CPS1: variants seen among roughly 807,000 people sequenced by gnomAD.
The protein encoded by CPS1 is carbamoyl-phosphate synthase 1.
CPS1 carries 109 observed loss-of-function variants against 174.6 expected under a neutral mutation model. The ratio of observed to expected loss-of-function variants is 0.62; its 90% CI spans 0.53 to 0.73. CPS1 has a LOEUF of 0.73. Ranked by LOEUF, CPS1 falls within the 30% of genes least tolerant of loss-of-function variation. CPS1 has a pLI of 0.00. For synonymous variants in CPS1, 637 were observed against 632.0 expected (o/e 1.01, Z -0.12); for missense variants, 1,689 against 1,821.9 (o/e 0.93, Z 1.33).
intron 21 of CPS1, among the ~76,000 whole-genome samples, chr2:210,628,172 C>T (rs569304435): frequency 5.3e-5 from 8 of 152,272 alleles, no homozygotes; most frequent in African/African-American, 1.9e-4. Flanking sequence ...CTACCCCTCC[C>T]CTTCTACCCA....
intron 1 of CPS1, among the ~76,000 whole-genome samples, chr2:210,560,293 G>A (rs1401867672): frequency 1.3e-5 from 2 of 151,850 alleles, no homozygotes; most frequent in African/African-American, 4.8e-5. Flanking sequence ...ATGATAAATA[G>A]AAATAAGTGG....
Position 210,621,847 on chromosome 2 carries a change from G to T in CPS1, c.2687+5306G>T, listed in dbSNP as rs777647866. Among the ~76,000 whole-genome samples the T allele has an allele frequency of 1.9e-4, 29 of 152,008 alleles. 1 individual carries two copies. Among genetic ancestry groups the T allele is most frequent in the Non-Finnish European group, 7.4e-5 (5 of 67,968 alleles). On this transcript the variant is annotated intron_variant, in intron 21 of 37. Coordinates refer to ENST00000233072, the MANE Select transcript of CPS1 (RefSeq NM_001875.5). Reference sequence around the variant, plus strand: ...TAATAATTCTGAATGCCTTCCAAGGGTAAGATAATAATCACAAAAATTTTT... The same window carrying T: ...TAATAATTCTGAATGCCTTCCAAGGTTAAGATAATAATCACAAAAATTTTT...
intron 34 of CPS1, chr2:210,671,650 A>G (rs1447401234): frequency 1.3e-5 from 2 of 152,178 alleles, no homozygotes; most frequent in Non-Finnish European, 2.9e-5. Flanking sequence ...AGGCTGTTTT[A>G]TGTGTCACAA....
intron 16 of CPS1, among the ~76,000 whole-genome samples, chr2:210,602,608 G>A (rs1455434752): frequency 6.6e-6 from 1 of 151,928 alleles, no homozygotes; most frequent in Non-Finnish European, 1.5e-5. Flanking sequence ...ACTTCAAGGA[G>A]ATGAACTTAA....
In CPS1 at chr2:210,676,952, T is replaced by G. The variant is rs778418787; in HGVS notation, c.4275-55T>G. On this transcript the variant is annotated intron_variant, in intron 36 of 37. Coordinates refer to ENST00000233072, the MANE Select transcript of CPS1 (RefSeq NM_001875.5). The stretch of plus-strand genomic sequence containing the variant: ...GAGAGCAATTTATGTTAGTATTTTA[T>G]AAACTAACTATAAAATATGCCTTGT... 43 of 1,566,594 alleles carry G rather than the reference T, an allele frequency of 2.7e-5. 1 individual carries two copies. The highest frequency in any genetic ancestry group is 3.8e-5 in the Non-Finnish European group (43 of 1,137,318).
intron 6 of CPS1, among the ~76,000 whole-genome samples, chr2:210,583,531 A>G (rs944529882): frequency 5.3e-5 from 8 of 152,162 alleles, no homozygotes; most frequent in Non-Finnish European, 1.0e-4. Context: ...TTTGAGACAC[A>G]AAGAGCGGGT....
chr2:210,545,683 A>T (rs1368076972), intron 1 of CPS1, among the ~76,000 whole-genome samples: 6 of 152,084 alleles, frequency 3.9e-5, no homozygotes, highest in African/African-American at 7.2e-5. Flanking sequence ...TATTAATGTG[A>T]GATTTCACAA....
intron 1 of CPS1, among the ~76,000 whole-genome samples, chr2:210,481,041 G>T (rs917048736): frequency 4.6e-5 from 7 of 152,168 alleles, no homozygotes; most frequent in African/African-American, 1.7e-4. Flanking sequence ...TCCCTGCCTT[G>T]TCAGGATCTT....
chr2:210,674,741 A>T lies in CPS1; in HGVS notation c.4102-161A>T, dbSNP rs1052549634. On this transcript the variant is annotated intron_variant, in intron 34 of 37. Coordinates refer to ENST00000233072, the MANE Select transcript of CPS1 (RefSeq NM_001875.5). ...ACATTGGGATATAGCTAAAACTCACACTCACCATAGAAGGATAAAAGGATA... is the reference window on the plus strand; with the variant it reads ...ACATTGGGATATAGCTAAAACTCACTCTCACCATAGAAGGATAAAAGGATA... The T allele has an allele frequency of 4.5e-6, 3 of 666,330 alleles. No individual in the cohort carries two copies. In the African/African-American group the frequency reaches 5.4e-5, roughly 12 times the overall value. The allele number at this position is 666,330 out of a possible 1,614,324, so 41.3% of individuals were successfully genotyped here. A position where few individuals can be genotyped will look rare whatever the true frequency, so the allele number is the denominator to read the frequency against.
intron 1 of CPS1, among the ~76,000 whole-genome samples, chr2:210,503,840 T>C (rs1209450982): frequency 6.6e-6 from 1 of 151,662 alleles, no homozygotes; most frequent in Non-Finnish European, 1.5e-5. Context: ...AATCCTTTCC[T>C]CTTTACAGCA....
chr2:210,517,072 C>G (rs898062568), intron 1 of CPS1, among the ~76,000 whole-genome samples: 5 of 151,792 alleles, frequency 3.3e-5, no homozygotes, highest in African/African-American at 4.8e-5. Context: ...TTTTATTTCT[C>G]TACATATTTT....
intron 6 of CPS1, among the ~76,000 whole-genome samples, chr2:210,586,393 C>T (rs1259714020): frequency 1.3e-5 from 2 of 151,666 alleles, no homozygotes; most frequent in Non-Finnish European, 1.5e-5. Context: ...TACATATTTC[C>T]CTGTGAAATG....
rs947346375 is a variant in CPS1, at chr2:210,654,020, G to A, written c.3481-5G>A. The A allele has an allele frequency of 3.1e-6, 5 of 1,613,352 alleles. No individual in the cohort carries two copies. The African/African-American group carries it at 5.3e-5, about 17-fold the overall frequency. On this transcript the variant is annotated splice_polypyrimidine_tract_variant and splice_region_variant and intron_variant, in intron 28 of 37. Coordinates refer to ENST00000233072, the MANE Select transcript of CPS1 (RefSeq NM_001875.5). ...GTTCGGCTCCTCTGTTTTCCTTCGT[G>A]ACAGGAGCACCCAGTGGTGCTGACA...
rs3217217 is a variant in CPS1, at chr2:210,668,076, A to ATG, written c.4003-82_4003-81dup. 0.32 allele frequency: 203,559 copies of ATG among 645,676 alleles called. 11,427 individuals carry two copies. Among genetic ancestry groups the ATG allele is most frequent in the African/African-American group, 0.46 (24,719 of 54,226 alleles). 40.0% of individuals were successfully genotyped at this position (645,676 alleles called of 1,614,324 possible). A position where few individuals can be genotyped will look rare whatever the true frequency, so the allele number is the denominator to read the frequency against. ...TAAAGTACTTTCCATTTGTGCGTGC[A>ATG]TGTGTGTGTGTGTGTGTGTGTGTGT... On this transcript the variant is annotated intron_variant, in intron 33 of 37. Transcript: ENST00000233072.
chr2:210,589,842 G>C (rs1220799417), intron 7 of CPS1, among the ~76,000 whole-genome samples: 1 of 151,664 alleles, frequency 6.6e-6, no homozygotes, highest in East Asian at 1.9e-4. Context: ...TAGAGATAGG[G>C]TTTTGCCCTG....
At chr2:210,578,641 A>C (rs905561576) in intron 4 of CPS1, among the ~76,000 whole-genome samples, 2 of 152,168 alleles carry the variant, frequency 1.3e-5, no homozygotes, top group Non-Finnish European at 1.5e-5. Flanking sequence ...AAAAATAAAA[A>C]AAATCTTGAT....
At chr2:210,587,268 C>T (rs762117543) in intron 6 of CPS1, among the ~76,000 whole-genome samples, 13 of 152,136 alleles carry the variant, frequency 8.5e-5, no homozygotes, top group South Asian at 8.3e-4. Context: ...TTTTCACAAA[C>T]GATGAAATCA....
intron 21 of CPS1, among the ~76,000 whole-genome samples, chr2:210,629,384 G>A (rs922765838): frequency 6.6e-6 from 1 of 151,570 alleles, no homozygotes; most frequent in Non-Finnish European, 1.5e-5. Flanking sequence ...GCGCGATCTC[G>A]GCTCACTGCA....
rs1701589666 is a variant in CPS1, at chr2:210,678,020, C to T, written c.*35C>T. On this transcript the variant is annotated 3_prime_UTR_variant, in exon 38 of 38. Transcript: ENST00000233072. ...CACCCCAGCCCCATTATTAAATCAA[C>T]CTGAGCCACATGTTATCTAAAGGAA... 1.4e-6 allele frequency: 2 copies of T among 1,463,296 alleles called. No homozygotes were observed. The allele number at this position is 1,463,296 out of a possible 1,614,324, so 90.6% of individuals were successfully genotyped here. A position where few individuals can be genotyped will look rare whatever the true frequency, so the allele number is the denominator to read the frequency against.
Sources: allele counts gnomAD v4.1 joint callset (sites outside exome capture counted in the v4.1 genomes callset), GRCh38; gene constraint gnomAD v4.1.1; transcripts MANE v1.5; gene names NCBI Gene and HGNC (gene_info 2026-07-23, HGNC 2026-07-21).